Variants in FAM20C observed in about 807,000 individuals in gnomAD.
FAM20C encodes the protein FAM20C golgi associated secretory pathway kinase.
FAM20C carries 40 observed loss-of-function variants against 51.5 expected under a neutral mutation model. That is an observed-to-expected ratio of 0.78 (90% CI 0.60 to 1.01). The LOEUF (loss-of-function observed/expected upper bound fraction) is 1.01. Ranked by LOEUF, FAM20C falls within the 50% of genes least tolerant of loss-of-function variation. The pLI is 0.00. For synonymous variants in FAM20C, 406 were observed against 380.6 expected, an observed-to-expected ratio of 1.07 and a Z score of -0.78; for missense variants, 861 against 844.7, an observed-to-expected ratio of 1.02 and a Z score of -0.24.
Position 208,943 on chromosome 7 carries a change from A to G in FAM20C, c.830A>G (p.Gln277Arg). ...GTQLKLIMTF[Q>R]NYGQALFKPM... ...CAGCTGAAGCTCATCATGACCTTCC[A>G]GAATTACGGGCAAGCGCTGTTCAAA... Residue 277 changes from glutamine (Q) to arginine (R), a missense_variant, in exon 3 of 10, where the codon CAG becomes CGG. Gln to Arg is a conservative substitution (Grantham distance 43). Coordinates refer to ENST00000313766, the MANE Select transcript of FAM20C (RefSeq NM_020223.4). 3 of 1,585,970 alleles carry G rather than the reference A, an allele frequency of 1.9e-6. No homozygotes were observed. Among genetic ancestry groups the G allele is most frequent in the Non-Finnish European group, 2.6e-6 (3 of 1,166,116 alleles).
intron 3 of FAM20C, among the ~76,000 whole-genome samples, chr7:234,626 A>G (rs1014714467): frequency 6.6e-6 from 1 of 152,176 alleles, no homozygotes; most frequent in East Asian, 1.9e-4. Context: ...CCATCGGGGC[A>G]TCCCCGGGCC....
At chr7:247,609 G>T (rs996814718) in intron 4 of FAM20C, among the ~76,000 whole-genome samples, 5 of 149,428 alleles carry the variant, frequency 3.3e-5, no homozygotes, top group Non-Finnish European at 7.4e-5. Context: ...TATAGAAATC[G>T]CCAGAAGCCA....
intron 3 of FAM20C, among the ~76,000 whole-genome samples, chr7:217,349 G>C (rs553750467): frequency 1.8e-4 from 1 of 5,420 alleles, no homozygotes; most frequent in African/African-American, 6.8e-4. Context: ...GCTTTCTCTA[G>C]GTTGTGACAT....
At position 260,073 on chromosome 7, in the gene FAM20C, A is replaced by G. The variant is rs1788821827; in HGVS notation, c.*93A>G. 1 of 1,411,052 alleles carries G rather than the reference A, an allele frequency of 7.1e-7. No homozygotes were observed. 87.4% of individuals were successfully genotyped at this position (1,411,052 alleles called of 1,614,324 possible). A position where few individuals can be genotyped will look rare whatever the true frequency, so the allele number is the denominator to read the frequency against. On this transcript the variant is annotated 3_prime_UTR_variant, in exon 10 of 10. Coordinates refer to ENST00000313766, the MANE Select transcript of FAM20C (RefSeq NM_020223.4). Reference sequence around the variant, plus strand: ...CCCGTCGTGAATTCAGTGAATTCAGAGGCAGGACGGGATCATCCGGAGTCG... The same window carrying G: ...CCCGTCGTGAATTCAGTGAATTCAGGGGCAGGACGGGATCATCCGGAGTCG...
rs186444172 is a variant in FAM20C at position 206,007 on chromosome 7, C to T, written c.785-2891C>T. ...AGCTCCCCCATCCCGCCATCTCCTGCAGGGCTGGGCCCTCCCCGAGCTCCA... is the reference window on the plus strand; with the variant it reads ...AGCTCCCCCATCCCGCCATCTCCTGTAGGGCTGGGCCCTCCCCGAGCTCCA... On this transcript the variant is annotated intron_variant, in intron 2 of 9. Coordinates refer to ENST00000313766, the MANE Select transcript of FAM20C (RefSeq NM_020223.4). Among the ~76,000 whole-genome samples, 297 of 152,252 alleles carry T rather than the reference C, an allele frequency of 2.0e-3. 1 individual carries two copies. The highest frequency in any genetic ancestry group is 6.7e-3 in the African/African-American group (279 of 41,546).
chr7:200,273 C>T (rs1380433697), intron 2 of FAM20C, among the ~76,000 whole-genome samples: 5 of 151,698 alleles, frequency 3.3e-5, no homozygotes, highest in African/African-American at 9.7e-5. Flanking sequence ...CCCAGGGCCT[C>T]GCTCGGCCGG....
intron 3 of FAM20C, among the ~76,000 whole-genome samples, chr7:233,315 C>T (rs915623755): frequency 8.5e-5 from 13 of 152,290 alleles, no homozygotes; most frequent in African/African-American, 2.9e-4. Context: ...GCATTGATGG[C>T]CTGACTGGAT....
intron 2 of FAM20C, among the ~76,000 whole-genome samples, chr7:206,641 C>T (rs1443805621): frequency 8.1e-5 from 12 of 147,608 alleles, no homozygotes; most frequent in Middle Eastern, 3.6e-3. Flanking sequence ...GCCCCGCACA[C>T]GTGTCCACTG....
chr7:217,975 A>T (rs1787082520), intron 3 of FAM20C, among the ~76,000 whole-genome samples: 1 of 152,122 alleles, frequency 6.6e-6, no homozygotes, highest in African/African-American at 2.4e-5. Context: ...GGTCCTGTAC[A>T]GTGGGCCGAG....
intron 5 of FAM20C, among the ~76,000 whole-genome samples, chr7:254,553 C>A (rs938725868): frequency 6.6e-6 from 1 of 152,218 alleles, no homozygotes; most frequent in Non-Finnish European, 1.5e-5. Context: ...GCACTGCTAG[C>A]GGGCCTGGAC....
rs888770231 is a variant in FAM20C at position 241,501 on chromosome 7, C to T, written c.864-4914C>T. Among the ~76,000 whole-genome samples, 8 of 150,602 alleles carry T rather than the reference C, an allele frequency of 5.3e-5. No individual in the cohort carries two copies. The South Asian group carries it at 1.5e-3, about 28-fold the overall frequency. On this transcript the variant is annotated intron_variant, in intron 3 of 9. Transcript: ENST00000313766. ...TGTGCCAGGGAAAGATCGATGGAGC[C>T]GGGTCTTAGTCCCCTTCTCACCAAG...
Position 193,596 on chromosome 7 carries a change from G to T in FAM20C, c.397G>T (p.Asp133Tyr). The change falls in exon 1 of 10, where the codon GAC becomes TAC. Residue 133 changes from aspartate to tyrosine, a missense_variant. This residue lies in a region of FAM20C where 561 missense variants were observed against 499.8 expected (regional missense o/e 1.12). Transcript: ENST00000313766. ...GGATCCCGGCGCCCTAAGACCCCAC[G>T]ACCCCGCGCACCGGCCGCTGCTGCG... ...GRDPGALRPH[D>Y]PAHRPLLRDP... 1 of 1,535,864 alleles carries T rather than the reference G, an allele frequency of 6.5e-7. No homozygotes were observed. The highest frequency in any genetic ancestry group is 8.8e-7 in the Non-Finnish European group (1 of 1,141,292).
chr7:235,775 CCA>C (rs1787830935), intron 3 of FAM20C, among the ~76,000 whole-genome samples: 2 of 152,180 alleles, frequency 1.3e-5, no homozygotes, highest in African/African-American at 4.8e-5. Context: ...CCCACCTGTC[CCA>C]CTCGCTGGTA....
At chr7:257,166 G>A in intron 8 of FAM20C, 80 bp downstream of exon 8, 5 of 1,345,980 alleles carry the variant, frequency 3.7e-6, no homozygotes, top group Non-Finnish European at 4.1e-6. Context: ...GAGACCCTGG[G>A]GACGGGGGGA....
rs151239761 is a variant in FAM20C at position 253,089 on chromosome 7, G to A, written c.1073-2760G>A. Among the ~76,000 whole-genome samples the A allele has an allele frequency of 5.0e-3, 766 of 152,324 alleles. 5 individuals are homozygous for A. The highest frequency in any genetic ancestry group is 0.018 in the African/African-American group (729 of 41,566). ...GCCACGGTGGCCTGGGCTGGGCAGGGCGGTCCTCAGGACTCTCTCCAGTGC... is the reference window on the plus strand; with the variant it reads ...GCCACGGTGGCCTGGGCTGGGCAGGACGGTCCTCAGGACTCTCTCCAGTGC... On this transcript the variant is annotated intron_variant, in intron 5 of 9. Transcript: ENST00000313766.
intron 3 of FAM20C, among the ~76,000 whole-genome samples, chr7:233,186 C>A (rs948192439): frequency 1.3e-5 from 2 of 152,188 alleles, no homozygotes; most frequent in African/African-American, 4.8e-5. Context: ...CCCGTGAGGA[C>A]GCGTCGCCTG....
At chr7:194,848 C>T (rs1785771889) in intron 1 of FAM20C, among the ~76,000 whole-genome samples, 2 of 151,152 alleles carry the variant, frequency 1.3e-5, no homozygotes, top group Non-Finnish European at 2.9e-5. Flanking sequence ...TGAATTCGAG[C>T]TAGGACAAGT....
intron 3 of FAM20C, among the ~76,000 whole-genome samples, chr7:231,213 G>T (rs980531964): frequency 1.3e-5 from 2 of 152,260 alleles, no homozygotes; most frequent in East Asian, 1.9e-4. Flanking sequence ...TGCGCTGGGG[G>T]GTCTGTTCCG....
At chr7:249,759 G>T (rs1035224517) in intron 5 of FAM20C, among the ~76,000 whole-genome samples, 1 of 152,158 alleles carries the variant, frequency 6.6e-6, no homozygotes, top group Non-Finnish European at 1.5e-5. Flanking sequence ...GAAAAGAAAA[G>T]AAACTGGCAT....
Sources: gnomAD v4.1 joint callset for allele counts (sites outside exome capture counted in the v4.1 genomes callset) on GRCh38, gnomAD v4.1.1 for gene constraint, gnomAD v4.1.1 regional missense constraint, MANE v1.5 for transcripts, NCBI Gene and HGNC (gene_info 2026-07-23, HGNC 2026-07-21) for gene names.